The following CORIN variants were observed in gnomAD, a reference collection of about 807,000 sequenced individuals.
CORIN encodes atrial natriuretic peptide-converting enzyme.
A neutral mutation model predicts 125.3 loss-of-function variants in CORIN; 117 were observed. The ratio of observed to expected loss-of-function variants is 0.93; its 90% CI spans 0.80 to 1.09. CORIN has a LOEUF of 1.09. Ranked by LOEUF, CORIN falls within the 50% of genes least tolerant of loss-of-function variation. The pLI, the probability that CORIN is intolerant of heterozygous loss-of-function variation, is 0.00. For synonymous variants in CORIN, 450 were observed against 466.4 expected (o/e 0.96, Z 0.45); for missense variants, 1,253 against 1,306.7 (o/e 0.96, Z 0.63).
At chr4:47,606,467 C>G (rs916611760) in intron 19 of CORIN, among the ~76,000 whole-genome samples, 2 of 152,078 alleles carry the variant, frequency 1.3e-5, no homozygotes, top group Non-Finnish European at 2.9e-5. Flanking sequence ...CTGTGTTGCC[C>G]AAGCTGGTCT....
intron 21 of CORIN, among the ~76,000 whole-genome samples, chr4:47,599,518 A>T (rs1404265037): frequency 1.3e-5 from 2 of 152,196 alleles, no homozygotes; most frequent in African/African-American, 4.8e-5. Context: ...AGCTTATTTG[A>T]GCACTTGCAC....
At chr4:47,792,842 T>C (rs1330133566) in intron 2 of CORIN, among the ~76,000 whole-genome samples, 1 of 152,208 alleles carries the variant, frequency 6.6e-6, no homozygotes, top group Non-Finnish European at 1.5e-5. Flanking sequence ...ATTTGGACCC[T>C]GAAGGACCTC....
At chr4:47,619,175 T>C (rs1339898911) in intron 19 of CORIN, among the ~76,000 whole-genome samples, 1 of 152,226 alleles carries the variant, frequency 6.6e-6, no homozygotes, top group African/African-American at 2.4e-5. Context: ...TGAAAGCGAA[T>C]TGTCACTAGG....
rs1482410971 is a variant in CORIN at position 47,603,536 on chromosome 4, A to G, written c.2673T>C (p.Tyr891=). 3 of 1,614,180 alleles carry G rather than the reference A, an allele frequency of 1.9e-6. No individual in the cohort carries two copies. The highest frequency in any genetic ancestry group is 3.3e-5 in the Admixed American group (2 of 60,012). The part of the protein sequence containing the change: ...HPRYSRAVVD[Y]DISIVELSED... The stretch of plus-strand genomic sequence containing the variant: ...CACTCAGCTCAACGATGCTGATGTC[A>G]TAGTCCACCACTGCTCGACTGTAGC... Residue 891 remains tyrosine, a synonymous_variant, in exon 20 of 22, where the codon TAT becomes TAC. Transcript: ENST00000273857.
intron 13 of CORIN, among the ~76,000 whole-genome samples, chr4:47,651,098 A>C (rs1361299805): frequency 6.6e-6 from 1 of 152,258 alleles, no homozygotes; most frequent in African/African-American, 2.4e-5. Flanking sequence ...CCATTACAAA[A>C]GTGCCAAAGA....
intron 5 of CORIN, among the ~76,000 whole-genome samples, chr4:47,694,058 G>A (rs946469192): frequency 6.6e-6 from 1 of 152,100 alleles, no homozygotes; most frequent in Non-Finnish European, 1.5e-5. Flanking sequence ...AGGAAACTAT[G>A]AAATAACCAC....
At chr4:47,683,975 A>ATAT in intron 6 of CORIN, 137 bp from the exon 7 acceptor site, 1 of 599,536 alleles carries the variant, frequency 1.7e-6, no homozygotes, top group Non-Finnish European at 2.9e-6. Context: ...TATAGGTGAG[A>ATAT]AGGTGGCACA....
At chr4:47,745,483 C>T (rs1396924713) in intron 4 of CORIN, among the ~76,000 whole-genome samples, 3 of 152,196 alleles carry the variant, frequency 2.0e-5, no homozygotes, top group African/African-American at 4.8e-5. Flanking sequence ...ATCACAGAAT[C>T]GTACAATATT....
intron 3 of CORIN, among the ~76,000 whole-genome samples, chr4:47,782,965 A>G (rs1480858789): frequency 6.6e-6 from 1 of 151,986 alleles, no homozygotes; most frequent in African/African-American, 2.4e-5. Flanking sequence ...AAAATTAGAT[A>G]GTGGTGATGG....
Position 47,810,595 on chromosome 4 carries a change from C to T in CORIN, c.64-3548G>A, listed in dbSNP as rs937045716. Reference sequence around the variant, plus strand: ...CCACAAGTGTATGCTATCTTGGTATCATTTGAGAGGTCAAAATTTCAGATA... The same window carrying T: ...CCACAAGTGTATGCTATCTTGGTATTATTTGAGAGGTCAAAATTTCAGATA... On this transcript the variant is annotated intron_variant, in intron 1 of 21. Coordinates refer to ENST00000273857, the MANE Select transcript of CORIN (RefSeq NM_006587.4). Among the ~76,000 whole-genome samples, 46 of 152,172 alleles carry T rather than the reference C, an allele frequency of 3.0e-4. 1 individual carries two copies. The highest frequency in any genetic ancestry group is 1.2e-4 in the Non-Finnish European group (8 of 68,032).
intron 19 of CORIN, among the ~76,000 whole-genome samples, chr4:47,606,671 T>C (rs12651505): frequency 6.8e-6 from 1 of 146,878 alleles, no homozygotes; most frequent in African/African-American, 2.5e-5. Flanking sequence ...TTCCTTCCTT[T>C]CTTTTTCTTT....
chr4:47,810,992 A>AG (rs1257595302), intron 1 of CORIN, among the ~76,000 whole-genome samples: 4 of 152,160 alleles, frequency 2.6e-5, no homozygotes, highest in Non-Finnish European at 5.9e-5. Flanking sequence ...CACAACTATC[A>AG]TGTGTCAGGC....
Position 47,806,949 on chromosome 4 carries a change from A to G in CORIN, c.162T>C (p.Cys54=). 1 of 1,613,924 alleles carries G rather than the reference A, an allele frequency of 6.2e-7. No individual in the cohort carries two copies. Among genetic ancestry groups the G allele is most frequent in the Non-Finnish European group, 8.5e-7 (1 of 1,179,810 alleles). The part of the protein sequence containing the change: ...LRFLLLVLIP[C]ICALVLLLVI... The stretch of plus-strand genomic sequence containing the variant: ...CCAGCAAGAGAACGAGAGCACAGAT[A>G]CATGGAATCAGGACCAGCAATAGGA... The change falls in exon 2 of 22, where the codon TGT becomes TGC. Residue 54 remains cysteine (C), a synonymous_variant. Coordinates refer to ENST00000273857, the MANE Select transcript of CORIN (RefSeq NM_006587.4).
chr4:47,772,289 A>G (rs973642777), intron 3 of CORIN, among the ~76,000 whole-genome samples: 1 of 152,258 alleles, frequency 6.6e-6, no homozygotes, highest in Non-Finnish European at 1.5e-5. Flanking sequence ...AATGAGCCGT[A>G]ATATAGGCCT....
intron 16 of CORIN, among the ~76,000 whole-genome samples, chr4:47,635,393 A>G (rs1281648739): frequency 6.6e-6 from 1 of 152,218 alleles, no homozygotes; most frequent in Non-Finnish European, 1.5e-5. Context: ...CTGAGACTGA[A>G]AGCTGCCTCA....
intron 5 of CORIN, among the ~76,000 whole-genome samples, chr4:47,694,161 C>T (rs1409639142): frequency 6.6e-6 from 1 of 152,138 alleles, no homozygotes; most frequent in East Asian, 1.9e-4. Context: ...GTAGAAAATA[C>T]TTAATGTCCT....
chr4:47,833,289 A>G (rs1369159117), intron 1 of CORIN, among the ~76,000 whole-genome samples: 1 of 152,202 alleles, frequency 6.6e-6, no homozygotes, highest in African/African-American at 2.4e-5. Flanking sequence ...CCAAGAATAT[A>G]CAATGGAGGA....
intron 3 of CORIN, among the ~76,000 whole-genome samples, chr4:47,783,959 T>A (rs1284513970): frequency 6.6e-6 from 1 of 152,112 alleles, no homozygotes; most frequent in Non-Finnish European, 1.5e-5. Context: ...ACAATAAGAT[T>A]AAATGATGAT....
chr4:47,701,865 A>AT (rs1005814839), intron 5 of CORIN, among the ~76,000 whole-genome samples: 3 of 151,860 alleles, frequency 2.0e-5, no homozygotes, highest in Non-Finnish European at 2.9e-5. Context: ...ACCTGGAAGC[A>AT]TTTTTTTTAA....
Sources: gnomAD v4.1 joint callset for allele counts (sites outside exome capture counted in the v4.1 genomes callset) on GRCh38, gnomAD v4.1.1 for gene constraint, MANE v1.5 for transcripts, NCBI Gene and HGNC (gene_info 2026-07-23, HGNC 2026-07-21) for gene names.